Variants in ADAMTSL3 observed in about 807,000 individuals in gnomAD.
The protein encoded by ADAMTSL3 is ADAMTS-like protein 3.
Under a neutral mutation model 201.7 loss-of-function variants are expected in ADAMTSL3, and 128 were observed. The ratio of observed to expected loss-of-function variants is 0.63; its 90% CI spans 0.55 to 0.73. The LOEUF (loss-of-function observed/expected upper bound fraction) is 0.73, where lower values mean the gene tolerates loss of function less well. ADAMTSL3 is among the 30% of genes least tolerant of loss of function. The pLI, the probability that ADAMTSL3 is intolerant of heterozygous loss-of-function variation, is 0.00. For missense variants in ADAMTSL3, 1,990 were observed against 2,119.6 expected, an observed-to-expected ratio of 0.94 and a Z score of 1.20; for synonymous variants, 738 against 748.4, an observed-to-expected ratio of 0.99 and a Z score of 0.23.
rs1206926390 is a variant in ADAMTSL3 at position 83,874,284 on chromosome 15, T to C, written c.960+3325T>C. Among the ~76,000 whole-genome samples, 5 of 144,828 alleles carry C rather than the reference T, an allele frequency of 3.5e-5. 1 individual carries two copies. The highest frequency in any genetic ancestry group is 6.0e-5 in the Non-Finnish European group (4 of 66,560). Reference sequence around the variant, plus strand: ...CTTTTGCTCCCATCCCACGCAGAGCTCCCAGAGGAAAGCGCCTCATAGGGA... The same window carrying C: ...CTTTTGCTCCCATCCCACGCAGAGCCCCCAGAGGAAAGCGCCTCATAGGGA... On this transcript the variant is annotated intron_variant, in intron 9 of 29. Transcript: ENST00000286744.
chr15:84,028,387 A>C (rs1291446981), intron 27 of ADAMTSL3, among the ~76,000 whole-genome samples: 3 of 152,242 alleles, frequency 2.0e-5, no homozygotes, highest in African/African-American at 7.2e-5. Flanking sequence ...TAAGTGTATC[A>C]GTAAGTAAAT....
At chr15:83,931,624 A>G (rs548057370) in intron 17 of ADAMTSL3, among the ~76,000 whole-genome samples, 256 of 152,310 alleles carry the variant, frequency 1.7e-3, no homozygotes, top group African/African-American at 6.0e-3. Flanking sequence ...TAGACTTCCA[A>G]TTAAGATGGT....
At chr15:83,892,989 A>AT in intron 13 of ADAMTSL3, 101 bp downstream of exon 13, 1 of 1,173,002 alleles carries the variant, frequency 8.5e-7, no homozygotes, top group Non-Finnish European at 1.2e-6. Context: ...ACAAAAAAAA[A>AT]GTGGTAAAAG....
intron 2 of ADAMTSL3, among the ~76,000 whole-genome samples, chr15:83,675,567 G>C (rs1215530445): frequency 6.7e-6 from 1 of 149,100 alleles, no homozygotes; most frequent in East Asian, 1.9e-4. Context: ...ATTCATGAGA[G>C]ATATTCACGT....
intron 2 of ADAMTSL3, among the ~76,000 whole-genome samples, chr15:83,677,359 T>TGA (rs938985251): frequency 7.9e-5 from 12 of 152,176 alleles, no homozygotes; most frequent in African/African-American, 2.9e-4. Flanking sequence ...TCAAAATTGC[T>TGA]GAGAGAGAGA....
At chr15:83,975,580 A>G (rs1478116308) in intron 20 of ADAMTSL3, among the ~76,000 whole-genome samples, 1 of 152,216 alleles carries the variant, frequency 6.6e-6, no homozygotes, top group African/African-American at 2.4e-5. Context: ...TTCAACAAAC[A>G]GAAGGCAGTG....
intron 3 of ADAMTSL3, among the ~76,000 whole-genome samples, chr15:83,712,129 T>A (rs1047754177): frequency 4.7e-4 from 71 of 152,228 alleles, no homozygotes; most frequent in African/African-American, 1.5e-3. Context: ...GAGGTTGTTT[T>A]GAGCAACTCA....
intron 3 of ADAMTSL3, among the ~76,000 whole-genome samples, chr15:83,761,389 CT>C (rs2062806966): frequency 6.6e-6 from 1 of 152,114 alleles, no homozygotes; most frequent in Non-Finnish European, 1.5e-5. Flanking sequence ...GTTTACCATT[CT>C]TATTTTTGCT....
chr15:83,765,927 A>G (rs1352383019), intron 3 of ADAMTSL3, among the ~76,000 whole-genome samples: 2 of 152,244 alleles, frequency 1.3e-5, no homozygotes, highest in Non-Finnish European at 2.9e-5. Context: ...TGTTTGTCAT[A>G]TAACATTAGA....
At chr15:83,989,852 C>T (rs1019281600) in intron 22 of ADAMTSL3, among the ~76,000 whole-genome samples, 16 of 152,272 alleles carry the variant, frequency 1.1e-4, no homozygotes, top group South Asian at 4.1e-4. Flanking sequence ...GTATTTGCTT[C>T]GTATTAATTA....
chr15:83,991,093 T>C lies in ADAMTSL3; in HGVS notation c.3852T>C (p.Pro1284=). Residue 1284 remains proline (P), a synonymous_variant, in exon 23 of 30, where the codon CCT becomes CCC. Coordinates refer to ENST00000286744, the MANE Select transcript of ADAMTSL3 (RefSeq NM_207517.3). The part of the protein sequence containing the change: ...ESSSVLYAEA[P]VILSVERNIT... The stretch of plus-strand genomic sequence containing the variant: ...TGCTCCCTTTGAATTAAGAGGCACC[T>C]GTCATCTTGTCTGTTGAAAGAAATA... The C allele has an allele frequency of 6.2e-7, 1 of 1,614,220 alleles. No homozygotes were observed. Among genetic ancestry groups the C allele is most frequent in the East Asian group, 2.2e-5 (1 of 44,884 alleles).
At chr15:83,918,759 G>T (rs2066082974) in intron 16 of ADAMTSL3, among the ~76,000 whole-genome samples, 1 of 152,222 alleles carries the variant, frequency 6.6e-6, no homozygotes, top group Non-Finnish European at 1.5e-5. Flanking sequence ...AGTAATTAAA[G>T]TGGGAGTTAT....
chr15:83,833,397 T>C (rs1200987496), intron 6 of ADAMTSL3, among the ~76,000 whole-genome samples: 1 of 152,114 alleles, frequency 6.6e-6, no homozygotes, highest in Non-Finnish European at 1.5e-5. Flanking sequence ...CAGGGTATTT[T>C]TTATAAGGGT....
chr15:83,798,767 A>T (rs986700906), intron 4 of ADAMTSL3, among the ~76,000 whole-genome samples: 1 of 139,058 alleles, frequency 7.2e-6, no homozygotes, highest in African/African-American at 2.6e-5. Flanking sequence ...AGATCGCGCC[A>T]TTGCACTCCA....
intron 4 of ADAMTSL3, among the ~76,000 whole-genome samples, chr15:83,801,169 C>G (rs1325280437): frequency 6.6e-6 from 1 of 152,108 alleles, no homozygotes; most frequent in African/African-American, 2.4e-5. Flanking sequence ...TGCAGTGTTA[C>G]AAAATATTAA....
chr15:83,914,612 T>A (rs12906624), intron 16 of ADAMTSL3, among the ~76,000 whole-genome samples: 21,365 of 152,168 alleles, frequency 0.14, 1,904 homozygotes, highest in Middle Eastern at 0.33. Flanking sequence ...GGACTCTTTC[T>A]CCCCTTACTT....
chr15:83,723,054 T>A (rs2062123030), intron 3 of ADAMTSL3, among the ~76,000 whole-genome samples: 1 of 152,152 alleles, frequency 6.6e-6, no homozygotes, highest in African/African-American at 2.4e-5. Context: ...TAAAGTAAGA[T>A]AACATGTAAT....
At chr15:83,926,191 A>G (rs1311697660) in intron 17 of ADAMTSL3, among the ~76,000 whole-genome samples, 5 of 152,196 alleles carry the variant, frequency 3.3e-5, no homozygotes, top group Admixed American at 1.3e-4. Context: ...GGAGAGGTGT[A>G]GAGGAATGAG....
intron 19 of ADAMTSL3, among the ~76,000 whole-genome samples, chr15:83,965,231 T>G (rs542521588): frequency 1.3e-5 from 2 of 151,760 alleles, no homozygotes; most frequent in Admixed American, 6.6e-5. Context: ...GACTGGCAAA[T>G]TGGATCAAGA....
Sources: gnomAD v4.1 joint callset for allele counts (sites outside exome capture counted in the v4.1 genomes callset) on GRCh38, gnomAD v4.1.1 for gene constraint, MANE v1.5 for transcripts, NCBI Gene and HGNC (gene_info 2026-07-23, HGNC 2026-07-21) for gene names.